AAMDC: variants seen among roughly 807,000 people sequenced by gnomAD.
The protein encoded by AAMDC is mth938 domain-containing protein.
Under a neutral mutation model 15.5 loss-of-function variants are expected in AAMDC, and 16 were observed. The observed-to-expected ratio is 1.03, with a 90% CI of 0.70 to 1.57. The LOEUF is 1.57. Ranked by LOEUF, AAMDC falls within the 40% of genes most tolerant of loss-of-function variation. The pLI, the probability that AAMDC is intolerant of heterozygous loss-of-function variation, is 0.00. For missense variants in AAMDC, 141 were observed against 144.9 expected (o/e 0.97, Z 0.14); for synonymous variants, 51 against 51.6 (o/e 0.99, Z 0.05).
intron 2 of AAMDC, among the ~76,000 whole-genome samples, chr11:77,858,871 G>A (rs985380778): frequency 2.6e-5 from 4 of 152,164 alleles, no homozygotes; most frequent in East Asian, 1.9e-4. Context: ...TTACAGCTTC[G>A]ATTCTGGAAG....
chr11:77,880,167 T>C (rs1951736801), intron 5 of AAMDC, among the ~76,000 whole-genome samples: 1 of 152,130 alleles, frequency 6.6e-6, no homozygotes, highest in South Asian at 2.1e-4. Context: ...AAGTGTAAGT[T>C]GAAGATGATC....
At chr11:77,867,147 C>G (rs894233045) in intron 2 of AAMDC, among the ~76,000 whole-genome samples, 3 of 152,144 alleles carry the variant, frequency 2.0e-5, no homozygotes, top group Non-Finnish European at 4.4e-5. Flanking sequence ...GGCCCCCATG[C>G]CTTTCATAAA....
intron 5 of AAMDC, chr11:77,884,016 G>A (rs534788816): frequency 6.5e-7 from 1 of 1,537,388 alleles, no homozygotes; most frequent in Non-Finnish European, 8.9e-7. Context: ...AATGGATGAT[G>A]ACATCTGTTG....
chr11:77,861,870 A>G (rs1371838060), intron 2 of AAMDC, among the ~76,000 whole-genome samples: 1 of 152,108 alleles, frequency 6.6e-6, no homozygotes, highest in Non-Finnish European at 1.5e-5. Context: ...CAAGTTCAAC[A>G]GGGTTTCTAA....
chr11:77,897,249 T>C (rs923056089), intron 5 of AAMDC, among the ~76,000 whole-genome samples: 10 of 151,814 alleles, frequency 6.6e-5, no homozygotes, highest in African/African-American at 1.9e-4. Flanking sequence ...ATCCTAGCAC[T>C]TTGGGAGGCC....
At chr11:77,876,556 T>G (rs2136335531), downstream of AAMDC, among the ~76,000 whole-genome samples, 1 of 152,218 alleles carries the variant, frequency 6.6e-6, no homozygotes, top group African/African-American at 2.4e-5. Flanking sequence ...AGCAACAAAT[T>G]TGTCAGGAGC....
intron 2 of AAMDC, among the ~76,000 whole-genome samples, chr11:77,858,607 G>C (rs1950740196): frequency 6.6e-6 from 1 of 152,168 alleles, no homozygotes; most frequent in Non-Finnish European, 1.5e-5. Flanking sequence ...AGGAAATCCA[G>C]CTAGTCCTGT....
At chr11:77,821,440 G>A (rs551179867) in intron 1 of AAMDC, among the ~76,000 whole-genome samples, 199 bp downstream of exon 1, 121 of 152,252 alleles carry the variant, frequency 7.9e-4, no homozygotes, top group Non-Finnish European at 1.5e-3. Context: ...GTTTGCCGAC[G>A]GGGTATTGCT....
chr11:77,840,886 T>G (rs1020511277), intron 1 of AAMDC: 9 of 291,758 alleles, frequency 3.1e-5, no homozygotes, highest in Admixed American at 2.2e-4. Context: ...TATTTGTGTG[T>G]GGGGGTTTAG....
intron 1 of AAMDC, among the ~76,000 whole-genome samples, chr11:77,834,267 G>A (rs892142753): frequency 6.6e-6 from 1 of 152,074 alleles, no homozygotes; most frequent in Non-Finnish European, 1.5e-5. Flanking sequence ...TCCCAACAAT[G>A]AACTAAACAC....
At chr11:77,850,826 CCT>C (rs1354103231) in intron 2 of AAMDC, 12 of 151,972 alleles carry the variant, frequency 7.9e-5, no homozygotes, top group South Asian at 6.2e-4. Context: ...ACTTTGTCCC[CCT>C]GTCATTTGAC....
intron 2 of AAMDC, among the ~76,000 whole-genome samples, chr11:77,849,150 C>T (rs1950267638): frequency 6.6e-6 from 1 of 151,954 alleles, no homozygotes; most frequent in Non-Finnish European, 1.5e-5. Context: ...GTTCCTCCCA[C>T]CTCAACCTCC....
At chr11:77,894,242 T>G in intron 5 of AAMDC, 1 of 979,152 alleles carries the variant, frequency 1.0e-6, no homozygotes, top group African/African-American at 1.6e-5. Context: ...AGTGCTATAC[T>G]CCATGTAACC....
At chr11:77,878,992 T>C in intron 5 of AAMDC, 8 of 1,614,134 alleles carry the variant, frequency 5.0e-6, no homozygotes, top group South Asian at 4.4e-5. Flanking sequence ...TTTTACAGGC[T>C]TGCTGAAGGG....
At chr11:77,891,257 A>G (rs1952249207) in intron 5 of AAMDC, 4 of 1,531,756 alleles carry the variant, frequency 2.6e-6, no homozygotes, top group Non-Finnish European at 3.6e-6. Flanking sequence ...AGGGGTGCTA[A>G]CATTAAATAC....
At chr11:77,857,679 A>C (rs1169632136) in intron 2 of AAMDC, among the ~76,000 whole-genome samples, 1 of 150,320 alleles carries the variant, frequency 6.7e-6, no homozygotes, top group Non-Finnish European at 1.5e-5. Flanking sequence ...TGCTGCACCT[A>C]TCAACCCATC....
intron 1 of AAMDC, chr11:77,830,165 T>C (rs1194703477): frequency 2.6e-5 from 4 of 152,106 alleles, no homozygotes; most frequent in Non-Finnish European, 5.9e-5. Flanking sequence ...AAAGACAACC[T>C]ACAAAATAGG....
At chr11:77,901,283 T>C, downstream of AAMDC, 1 of 895,256 alleles carries the variant, frequency 1.1e-6, no homozygotes, top group Admixed American at 2.1e-5. Flanking sequence ...CTGAAAAAAA[T>C]GAATAGATCA....
At chr11:77,895,216 C>G (rs757465219) in intron 5 of AAMDC, among the ~76,000 whole-genome samples, 48 of 152,108 alleles carry the variant, frequency 3.2e-4, no homozygotes, top group Non-Finnish European at 6.2e-4. Context: ...CTTCCTATTT[C>G]TTGTATGTAA....
Sources: gnomAD v4.1 joint callset for allele counts (sites outside exome capture counted in the v4.1 genomes callset) on GRCh38, gnomAD v4.1.1 for gene constraint, MANE v1.5 for transcripts, NCBI Gene and HGNC (gene_info 2026-07-23, HGNC 2026-07-21) for gene names.